PACRG: variants seen among roughly 807,000 people sequenced by gnomAD.
PACRG encodes parkin coregulated.
PACRG carries 29 observed loss-of-function variants against 29.7 expected under a neutral mutation model. The ratio of observed to expected loss-of-function variants is 0.98; its 90% CI spans 0.73 to 1.33. The LOEUF (loss-of-function observed/expected upper bound fraction) is 1.33. Among genes scored for constraint, PACRG ranks in the 40% most tolerant of loss-of-function variants. PACRG has a pLI of 0.00. For missense variants in PACRG, 279 were observed against 316.2 expected (o/e 0.88, Z 0.89); for synonymous variants, 116 against 118.7 (o/e 0.98, Z 0.15).
At chr6:163,212,783 C>CTTT (rs34101369) in intron 4 of PACRG, among the ~76,000 whole-genome samples, 1 of 144,154 alleles carries the variant, frequency 6.9e-6, no homozygotes, top group African/African-American at 2.6e-5. Context: ...AACTGATAAT[C>CTTT]TTTTTTTTTT....
chr6:162,935,719 T>G (rs1346788519), intron 2 of PACRG, among the ~76,000 whole-genome samples: 1 of 152,180 alleles, frequency 6.6e-6, no homozygotes, highest in Non-Finnish European at 1.5e-5. Flanking sequence ...AGAATTATTG[T>G]GTTCCTTTGG....
chr6:163,128,740 A>G (rs898807152), intron 4 of PACRG, among the ~76,000 whole-genome samples: 17 of 152,212 alleles, frequency 1.1e-4, no homozygotes, highest in Non-Finnish European at 2.2e-4. Context: ...TGCATAGAAC[A>G]ACTCACCCAA....
intron 4 of PACRG, among the ~76,000 whole-genome samples, chr6:163,266,281 A>G (rs1292847387): frequency 6.6e-6 from 1 of 152,250 alleles, no homozygotes; most frequent in Non-Finnish European, 1.5e-5. Context: ...TAAAGACTAT[A>G]GGTAAGTAAT....
intron 4 of PACRG, among the ~76,000 whole-genome samples, chr6:163,090,097 TGATA>T (rs1250514896): frequency 6.6e-6 from 1 of 152,144 alleles, no homozygotes; most frequent in African/African-American, 2.4e-5. Context: ...AGTTATTTCC[TGATA>T]GTGGTATCAA....
chr6:162,832,151 A>G (rs78865548), intron 2 of PACRG, among the ~76,000 whole-genome samples: 150 of 152,308 alleles, frequency 9.8e-4, no homozygotes, highest in African/African-American at 3.4e-3. Context: ...CTATTTCTCC[A>G]TAGCCTCTCC....
chr6:163,054,514 T>C (rs1034308788), intron 2 of PACRG, among the ~76,000 whole-genome samples: 2 of 152,190 alleles, frequency 1.3e-5, no homozygotes, highest in Non-Finnish European at 2.9e-5. Flanking sequence ...GACAGTGCGT[T>C]CGAAGAGTCC....
intron 4 of PACRG, among the ~76,000 whole-genome samples, chr6:163,253,297 CAAAA>C (rs576001593): frequency 2.0e-5 from 1 of 50,132 alleles, no homozygotes. Context: ...GAGACTGTCT[CAAAA>C]AAAAAAAAAA....
intron 4 of PACRG, among the ~76,000 whole-genome samples, chr6:163,121,417 A>AC (rs1237204992): frequency 6.6e-6 from 1 of 152,020 alleles, no homozygotes; most frequent in Non-Finnish European, 1.5e-5. Context: ...TTATCTGTCT[A>AC]CCTCGGGGCT....
chr6:163,144,370 A>ACC (rs1427852923), intron 4 of PACRG, among the ~76,000 whole-genome samples: 1 of 61,602 alleles, frequency 1.6e-5, no homozygotes, highest in African/African-American at 5.8e-5. Context: ...ACACACACAC[A>ACC]GTTATATTAC....
intron 4 of PACRG, among the ~76,000 whole-genome samples, chr6:163,231,142 C>A (rs900698540): frequency 6.6e-6 from 1 of 152,202 alleles, no homozygotes; most frequent in Non-Finnish European, 1.5e-5. Flanking sequence ...GGGAGGCTGG[C>A]AAGGTGGGCA....
At chr6:162,783,037 A>G (rs1430490689) in intron 1 of PACRG, among the ~76,000 whole-genome samples, 1 of 151,936 alleles carries the variant, frequency 6.6e-6, no homozygotes, top group Non-Finnish European at 1.5e-5. Context: ...CACTAACTTC[A>G]TGATAAAAAT....
intron 4 of PACRG, among the ~76,000 whole-genome samples, chr6:163,239,873 TACACACACTCTG>T (rs1463760705): frequency 8.5e-6 from 1 of 117,630 alleles, no homozygotes; most frequent in Non-Finnish European, 1.7e-5. Context: ...CACCCCGACA[TACACACACTCTG>T]ACACACACTC....
intron 4 of PACRG, among the ~76,000 whole-genome samples, chr6:163,291,972 A>T (rs867467040): frequency 2.6e-5 from 4 of 152,214 alleles, no homozygotes; most frequent in African/African-American, 9.7e-5. Flanking sequence ...GCTGAAATTT[A>T]TTCAACAGAT....
In PACRG at chr6:162,763,802, A is replaced by G. The variant is rs192413526; in HGVS notation, c.156+35411A>G. Among the ~76,000 whole-genome samples the G allele has an allele frequency of 3.3e-5, 5 of 152,304 alleles. No homozygotes were observed. In the East Asian group the frequency reaches 7.7e-4, roughly 24 times the overall value. On this transcript the variant is annotated intron_variant, in intron 1 of 4. Transcript: ENST00000366888. ...CAGCGTTGTTTTATCTTCATTTATAATTAACCTTCAGTCGGCCATGTTTCT... is the reference window on the plus strand; with the variant it reads ...CAGCGTTGTTTTATCTTCATTTATAGTTAACCTTCAGTCGGCCATGTTTCT...
At chr6:163,179,724 A>AT (rs1562952053) in intron 4 of PACRG, among the ~76,000 whole-genome samples, 5 of 147,880 alleles carry the variant, frequency 3.4e-5, no homozygotes, top group Admixed American at 1.3e-4. Flanking sequence ...AAAAAAAAAA[A>AT]ATTTTCTTAC....
intron 2 of PACRG, among the ~76,000 whole-genome samples, chr6:163,012,960 A>T (rs1805752874): frequency 6.6e-6 from 1 of 152,212 alleles, no homozygotes; most frequent in South Asian, 2.1e-4. Flanking sequence ...GTTAATAAGC[A>T]CTTGAAATGA....
intron 2 of PACRG, among the ~76,000 whole-genome samples, chr6:162,919,662 T>C (rs1467142908): frequency 6.6e-6 from 1 of 152,190 alleles, no homozygotes; most frequent in East Asian, 1.9e-4. Flanking sequence ...TTCCACAAAG[T>C]ACTGTTGTAG....
intron 2 of PACRG, among the ~76,000 whole-genome samples, chr6:162,890,614 G>T (rs1320121414): frequency 2.6e-5 from 4 of 152,184 alleles, no homozygotes; most frequent in African/African-American, 9.6e-5. Context: ...ACTTAGAGAA[G>T]GAAATACTTC....
chr6:163,225,652 G>T (rs1007821133), intron 4 of PACRG, among the ~76,000 whole-genome samples: 14 of 152,178 alleles, frequency 9.2e-5, no homozygotes, highest in Admixed American at 2.6e-4. Flanking sequence ...CAGTATGGAG[G>T]TTCCTCAAAA....
Sources: gnomAD v4.1 joint callset for allele counts (sites outside exome capture counted in the v4.1 genomes callset) on GRCh38, gnomAD v4.1.1 for gene constraint, MANE v1.5 for transcripts, NCBI Gene and HGNC (gene_info 2026-07-23, HGNC 2026-07-21) for gene names.